The following LRRC7 variants were observed in gnomAD, a reference collection of about 807,000 sequenced individuals.
The protein encoded by LRRC7 is leucine-rich repeat-containing protein 7.
LRRC7 carries 23 observed loss-of-function variants against 175.7 expected under a neutral mutation model. The ratio of observed to expected loss-of-function variants is 0.13; its 90% CI spans 0.09 to 0.19. The LOEUF is 0.19. Ranked by LOEUF, LRRC7 falls within the 10% of genes least tolerant of loss-of-function variation. The pLI is 1.00. For synonymous variants in LRRC7, 685 were observed against 680.9 expected, an observed-to-expected ratio of 1.01 and a Z score of -0.09; for missense variants, 1,354 against 1,904.7, an observed-to-expected ratio of 0.71 and a Z score of 5.38.
At chr1:69,740,465 TTTAA>T (rs777012818) in intron 2 of LRRC7, among the ~76,000 whole-genome samples, 9 of 152,136 alleles carry the variant, frequency 5.9e-5, no homozygotes, top group East Asian at 5.8e-4. Flanking sequence ...TTTAAAGGAG[TTTAA>T]TTAAGCAATG....
intron 7 of LRRC7, among the ~76,000 whole-genome samples, chr1:69,882,475 G>A (rs2101616265): frequency 6.6e-6 from 1 of 152,208 alleles, no homozygotes; most frequent in Middle Eastern, 3.4e-3. Context: ...ATTGACTGAT[G>A]AATGGATAAA....
At chr1:69,686,136 G>A (rs1416996663) in intron 2 of LRRC7, among the ~76,000 whole-genome samples, 4 of 152,122 alleles carry the variant, frequency 2.6e-5, no homozygotes, top group Non-Finnish European at 5.9e-5. Flanking sequence ...TGTCAACTCT[G>A]AATCCTATAT....
intron 7 of LRRC7, among the ~76,000 whole-genome samples, chr1:69,888,780 G>A (rs894659964): frequency 6.6e-6 from 1 of 152,116 alleles, no homozygotes; most frequent in South Asian, 2.1e-4. Flanking sequence ...TTGGGGGTAG[G>A]GAAGATGGGG....
At chr1:70,053,216 T>C (rs1660877357) in intron 23 of LRRC7, 71 bp downstream of exon 23, 2 of 1,313,836 alleles carry the variant, frequency 1.5e-6, no homozygotes, top group East Asian at 2.7e-5. Context: ...AATAAATATT[T>C]TGTGTCTTAT....
At chr1:69,887,014 T>A (rs1037968871) in intron 7 of LRRC7, among the ~76,000 whole-genome samples, 20 of 151,684 alleles carry the variant, frequency 1.3e-4, no homozygotes, top group East Asian at 3.9e-4. Context: ...CTTCCCTTTG[T>A]GGGTAACCCG....
At chr1:69,946,679 A>C (rs1186819153) in intron 8 of LRRC7, among the ~76,000 whole-genome samples, 3 of 140,594 alleles carry the variant, frequency 2.1e-5, no homozygotes, top group Admixed American at 2.1e-4. Context: ...ACAGTTTTTA[A>C]AGTCTAATTT....
intron 2 of LRRC7, 146 bp from the exon 3 acceptor site, chr1:69,760,045 A>G: frequency 5.1e-6 from 4 of 784,242 alleles, no homozygotes; most frequent in East Asian, 2.7e-5. Flanking sequence ...TAAGGATTTA[A>G]TGATACAATG....
intron 2 of LRRC7, among the ~76,000 whole-genome samples, chr1:69,744,247 C>A (rs1419484949): frequency 6.6e-6 from 1 of 151,740 alleles, no homozygotes; most frequent in Admixed American, 6.6e-5. Flanking sequence ...ACCATATGCT[C>A]TCAACTGCAA....
chr1:70,066,562 C>A (rs1571224773), intron 23 of LRRC7, among the ~76,000 whole-genome samples: 1 of 152,050 alleles, frequency 6.6e-6, no homozygotes. Context: ...ATCAATAGTT[C>A]TTTCCTTTTT....
intron 7 of LRRC7, among the ~76,000 whole-genome samples, chr1:69,877,974 C>A (rs1048434053): frequency 5.9e-5 from 9 of 151,742 alleles, no homozygotes; most frequent in African/African-American, 2.2e-4. Context: ...GTAGAGGAGA[C>A]AAGAAATTGA....
intron 1 of LRRC7, among the ~76,000 whole-genome samples, chr1:69,622,877 A>G (rs1650857902): frequency 6.6e-6 from 1 of 152,160 alleles, no homozygotes; most frequent in Non-Finnish European, 1.5e-5. Flanking sequence ...ATAGGCCAGG[A>G]TAAGAAGCTT....
intron 1 of LRRC7, among the ~76,000 whole-genome samples, chr1:69,591,028 T>C (rs1265323054): frequency 1.3e-5 from 2 of 152,140 alleles, no homozygotes; most frequent in African/African-American, 4.8e-5. Flanking sequence ...TAGAATACCT[T>C]AGCTACACAT....
chr1:69,568,643 T>A lies in LRRC7; in HGVS notation c.2+2T>A. On this transcript the variant is annotated splice_donor_variant, in intron 1 of 26. Transcript: ENST00000651989. LOFTEE classifies it high-confidence loss of function. Reference sequence around the variant, plus strand: ...TGGGCAGTTTCTCCCGCCGGCGATGTGAGTAAGGCACGCTCGCTCCGTGGC... The same window carrying A: ...TGGGCAGTTTCTCCCGCCGGCGATGAGAGTAAGGCACGCTCGCTCCGTGGC... 7.4e-7 allele frequency: 1 copy of A among 1,349,580 alleles called. No individual in the cohort carries two copies. The highest frequency in any genetic ancestry group is 9.9e-7 in the Non-Finnish European group (1 of 1,014,952). The allele number at this position is 1,349,580 out of a possible 1,614,324, so 83.6% of individuals were successfully genotyped here.
chr1:69,796,629 A>G (rs570188592), intron 4 of LRRC7, among the ~76,000 whole-genome samples: 1 of 152,206 alleles, frequency 6.6e-6, no homozygotes, highest in South Asian at 2.1e-4. Flanking sequence ...TACTAAAAAT[A>G]CAACAAGAAG....
chr1:69,669,650 A>G (rs773796296), intron 1 of LRRC7, among the ~76,000 whole-genome samples: 1 of 152,202 alleles, frequency 6.6e-6, no homozygotes, highest in Non-Finnish European at 1.5e-5. Flanking sequence ...CCTTTAAAAT[A>G]AAATTTCTAC....
At chr1:69,870,466 T>C (rs892785560) in intron 7 of LRRC7, among the ~76,000 whole-genome samples, 1 of 152,084 alleles carries the variant, frequency 6.6e-6, no homozygotes. Flanking sequence ...TTCTTTGAGA[T>C]TGAATTAAAA....
chr1:70,016,622 G>T, intron 14 of LRRC7, 88 bp downstream of exon 14: 1 of 954,954 alleles, frequency 1.0e-6, no homozygotes, highest in South Asian at 2.2e-5. Context: ...AGATACCTTT[G>T]ACAGCAGCTA....
chr1:69,692,057 G>C (rs974665304), intron 2 of LRRC7, among the ~76,000 whole-genome samples: 3 of 152,004 alleles, frequency 2.0e-5, no homozygotes, highest in Non-Finnish European at 4.4e-5. Flanking sequence ...GCAACTATGG[G>C]GTTTTTCATA....
chr1:69,819,575 CTCTGTGTGTGTGTGTGTG>C (rs1359616385), intron 4 of LRRC7, among the ~76,000 whole-genome samples: 10 of 133,254 alleles, frequency 7.5e-5, no homozygotes, highest in African/African-American at 1.9e-4. Flanking sequence ...CTCTCTCTCT[CTCTGTGTGTGTGTGTGTG>C]TGTGTGTGTG....
Sources: gnomAD v4.1 joint callset for allele counts (sites outside exome capture counted in the v4.1 genomes callset) on GRCh38, gnomAD v4.1.1 for gene constraint, MANE v1.5 for transcripts, NCBI Gene and HGNC (gene_info 2026-07-23, HGNC 2026-07-21) for gene names.